EFTUD2: variants seen among roughly 807,000 people sequenced by gnomAD.
EFTUD2 encodes 116 kDa U5 small nuclear ribonucleoprotein component.
Under a neutral mutation model 114.3 loss-of-function variants are expected in EFTUD2, and 9 were observed. The ratio of observed to expected loss-of-function variants is 0.08; its 90% CI spans 0.05 to 0.14. The LOEUF (loss-of-function observed/expected upper bound fraction) is 0.14. EFTUD2 is among the 10% of genes least tolerant of loss of function. The pLI is 1.00. For synonymous variants in EFTUD2, 449 were observed against 462.3 expected (o/e 0.97, Z 0.37); for missense variants, 765 against 1,241.2 (o/e 0.62, Z 5.76).
At chr17:44,886,840 T>C in intron 2 of EFTUD2, 90 bp from the exon 3 acceptor site, 1 of 1,513,670 alleles carries the variant, frequency 6.6e-7, no homozygotes, top group Non-Finnish European at 8.8e-7. Context: ...GCACTGACTG[T>C]ACATGCTGGC....
chr17:44,866,036 C>T (rs1597800811), intron 13 of EFTUD2, among the ~76,000 whole-genome samples: 1 of 152,176 alleles, frequency 6.6e-6, no homozygotes, highest in Non-Finnish European at 1.5e-5. Context: ...TCTTGAACTC[C>T]TGATCTCAAG....
chr17:44,850,904 C>G lies in EFTUD2; in HGVS notation c.*370G>C, dbSNP rs2050436325. The G allele has an allele frequency of 3.6e-6, 1 of 279,638 alleles. No individual in the cohort carries two copies. The highest frequency in any genetic ancestry group is 6.9e-6 in the Non-Finnish European group (1 of 144,730). The allele number at this position is 279,638 out of a possible 1,614,324, so 17.3% of individuals were successfully genotyped here. A position where few individuals can be genotyped will look rare whatever the true frequency, so the allele number is the denominator to read the frequency against. ...GGAGACGAGGATGAAAGGAGCAGAGCAAGACAGAGGTCAGAATGTTCTGTT... is the reference window on the plus strand; with the variant it reads ...GGAGACGAGGATGAAAGGAGCAGAGGAAGACAGAGGTCAGAATGTTCTGTT... On this transcript the variant is annotated 3_prime_UTR_variant, in exon 28 of 28. Transcript: ENST00000426333.
chr17:44,898,651 T>C (rs1446107054), intron 1 of EFTUD2, among the ~76,000 whole-genome samples: 1 of 152,238 alleles, frequency 6.6e-6, no homozygotes, highest in Non-Finnish European at 1.5e-5. Context: ...TGTTCCTTTA[T>C]TTCAATCAAG....
intron 3 of EFTUD2, 71 bp downstream of exon 3, chr17:44,886,514 A>C (rs2051175703): frequency 1.9e-6 from 3 of 1,566,338 alleles, no homozygotes; most frequent in Middle Eastern, 1.7e-4. Flanking sequence ...TGAACTTTTA[A>C]GGTTTGCTGA....
At position 44,862,940 on chromosome 17, in the gene EFTUD2, A is replaced by T. The variant is rs755281138; in HGVS notation, c.1414-34T>A. The stretch of plus-strand genomic sequence containing the variant: ...GGGGACAGGGTGCAGCTTCAACCAC[A>T]TCTATGCTCCGGGGAAGTACTACTC... On this transcript the variant is annotated intron_variant, in intron 15 of 27. Coordinates refer to ENST00000426333, the MANE Select transcript of EFTUD2 (RefSeq NM_004247.4). 18 of 1,570,238 alleles carry T rather than the reference A, an allele frequency of 1.1e-5. No homozygotes were observed. In the East Asian group the frequency reaches 3.8e-4, roughly 34 times the overall value.
In EFTUD2 at chr17:44,850,792, A is replaced by G. The variant is rs777876008; in HGVS notation, c.*482T>C. On this transcript the variant is annotated 3_prime_UTR_variant, in exon 28 of 28. Coordinates refer to ENST00000426333, the MANE Select transcript of EFTUD2 (RefSeq NM_004247.4). Reference sequence around the variant, plus strand: ...AGGCGGCTTCCCTGGGGACCCAGGCAGGAAGGAGGCTGCAGCTGGAAGCAG... The same window carrying G: ...AGGCGGCTTCCCTGGGGACCCAGGCGGGAAGGAGGCTGCAGCTGGAAGCAG... The G allele has an allele frequency of 8.6e-6, 2 of 232,364 alleles. No homozygotes were observed. Among genetic ancestry groups the G allele is most frequent in the Non-Finnish European group, 1.7e-5 (2 of 116,274 alleles). 14.4% of individuals were successfully genotyped at this position (232,364 alleles called of 1,614,324 possible). A position where few individuals can be genotyped will look rare whatever the true frequency, so the allele number is the denominator to read the frequency against.
intron 9 of EFTUD2, among the ~76,000 whole-genome samples, chr17:44,876,600 T>C (rs570979654): frequency 5.6e-4 from 85 of 151,980 alleles, no homozygotes; most frequent in African/African-American, 1.8e-3. Context: ...TGCCTGTAAT[T>C]CCAGCACTTT....
Position 44,853,775 on chromosome 17 carries a change from C to T in EFTUD2, c.2348-140G>A, listed in dbSNP as rs142666106. ...GTACAGAAATCAAATGGGAGGTGGG[C>T]GTTCTAACTGAATAAGCAAGGCCCA... On this transcript the variant is annotated intron_variant, in intron 23 of 27. Transcript: ENST00000426333. 38 of 1,481,562 alleles carry T rather than the reference C, an allele frequency of 2.6e-5. No homozygotes were observed. The East Asian group carries it at 2.7e-4, about 11-fold the overall frequency. The allele number at this position is 1,481,562 out of a possible 1,614,324, so 91.8% of individuals were successfully genotyped here. A position where few individuals can be genotyped will look rare whatever the true frequency, so the allele number is the denominator to read the frequency against.
In EFTUD2 at chr17:44,885,306, C is replaced by A. The variant is rs1396743107; in HGVS notation, c.300G>T (p.Lys100Asn). The change falls in exon 4 of 28, where the codon AAG becomes AAT. Residue 100 changes from lysine (K) to asparagine (N), a missense_variant. Around this residue, in one of 6 missense-constraint regions of EFTUD2, gnomAD observed 121 missense variants for 133.7 expected, o/e 0.90. Transcript: ENST00000426333. ...TEPIIKPVKT[K>N]KFTLMEQTLP... is the part of the protein sequence containing the mutation. ...ATGTCTGCTCCATCAGAGTGAATTT[C>A]TTGGTTTTCACTGGCTTAATAATGG... 1.2e-6 allele frequency: 2 copies of A among 1,613,564 alleles called. No homozygotes were observed. Among genetic ancestry groups the A allele is most frequent in the Non-Finnish European group, 1.7e-6 (2 of 1,179,858 alleles).
chr17:44,852,010 C>T (rs1379876948), intron 26 of EFTUD2, among the ~76,000 whole-genome samples, 193 bp from the exon 27 acceptor site: 2 of 152,002 alleles, frequency 1.3e-5, no homozygotes, highest in African/African-American at 2.4e-5. Context: ...CTCCGCCTCC[C>T]GGGTTCAAGC....
At chr17:44,857,285 C>T (rs1368828044) in intron 19 of EFTUD2, 128 bp from the exon 20 acceptor site, 1 of 729,644 alleles carries the variant, frequency 1.4e-6, no homozygotes, top group Non-Finnish European at 2.4e-6. Context: ...TTAATCAGCA[C>T]AAGTGATAAG....
In EFTUD2 at chr17:44,852,559, C is replaced by T; in HGVS notation, c.2565G>A (p.Gly855=). 1.9e-6 allele frequency: 3 copies of T among 1,613,562 alleles called. No individual in the cohort carries two copies. The highest frequency in any genetic ancestry group is 2.5e-6 in the Non-Finnish European group (3 of 1,179,778). The change falls in exon 26 of 28, where the codon GGG becomes GGA. Residue 855 remains glycine (G), a synonymous_variant. Transcript: ENST00000426333. ...AVYTVLARRR[G]HVTQDAPIPG... ...GGATGGGTGCATCCTGAGTCACGTG[C>T]CCCCTGAGACAGAAAAACAAAGGCT...
chr17:44,893,296 T>C (rs980365590), intron 2 of EFTUD2, among the ~76,000 whole-genome samples: 2 of 152,082 alleles, frequency 1.3e-5, no homozygotes, highest in African/African-American at 4.8e-5. Context: ...CTAATATTTG[T>C]ATTTTTAGTA....
In EFTUD2 at chr17:44,860,503, C is replaced by T. The variant is rs1131691840; in HGVS notation, c.1648G>A (p.Val550Ile). ...EVNRVPAGNW[V>I]LIEGVDQPIV... ...GGTTGATCAACACCTTCAATCAGAA[C>T]CCAGTTGCCAGCAGGAACACGGTTC... Residue 550 changes from valine (V) to isoleucine (I), a missense_variant, in exon 17 of 28, where the codon GTT (valine) becomes ATT (isoleucine). Coordinates refer to ENST00000426333, the MANE Select transcript of EFTUD2 (RefSeq NM_004247.4). The T allele has an allele frequency of 6.2e-7, 1 of 1,614,058 alleles. No individual in the cohort carries two copies. Among genetic ancestry groups the T allele is most frequent in the African/African-American group, 1.3e-5 (1 of 74,998 alleles).
intron 2 of EFTUD2, among the ~76,000 whole-genome samples, chr17:44,893,248 A>G (rs539093966): frequency 3.3e-5 from 5 of 151,714 alleles, no homozygotes; most frequent in African/African-American, 1.2e-4. Flanking sequence ...TCGGCCTTCC[A>G]AGCAGCTGGG....
chr17:44,886,620 G>A lies in EFTUD2; in HGVS notation c.236C>T (p.Thr79Ile). ...AEEVYGPEVE[T>I]IVQEEDTQPL... ...CTGAGTGTCTTCCTCTTGAACTATG[G>A]TCTCCACCTCAGGACCATACACCTC... The change falls in exon 3 of 28, where the codon ACC becomes ATC. Residue 79 changes from threonine (T) to isoleucine (I), a missense_variant. By Grantham distance (89) the Thr-to-Ile change is moderately conservative. Coordinates refer to ENST00000426333, the MANE Select transcript of EFTUD2 (RefSeq NM_004247.4). 6.2e-7 allele frequency: 1 copy of A among 1,614,040 alleles called. No homozygotes were observed. The highest frequency in any genetic ancestry group is 1.1e-5 in the South Asian group (1 of 91,070).
At chr17:44,884,824 C>A (rs995142255) in intron 4 of EFTUD2, among the ~76,000 whole-genome samples, 1 of 151,622 alleles carries the variant, frequency 6.6e-6, no homozygotes, top group Admixed American at 6.6e-5. Flanking sequence ...GAGGTCAAGG[C>A]TGCAATGAGC....
At chr17:44,885,440 C>A in intron 3 of EFTUD2, 106 bp from the exon 4 acceptor site, 1 of 792,184 alleles carries the variant, frequency 1.3e-6, no homozygotes, top group Non-Finnish European at 2.2e-6. Flanking sequence ...TGTATGACAT[C>A]AATTTATTTT....
At position 44,850,495 on chromosome 17, in the gene EFTUD2, C is replaced by G; in HGVS notation, c.*779G>C. Reference sequence around the variant, plus strand: ...AGGAAAATCAACAGACTCTTTTTCACTGGGGGAGAACAGAGTAAGGGACTG... The same window carrying G: ...AGGAAAATCAACAGACTCTTTTTCAGTGGGGGAGAACAGAGTAAGGGACTG... On this transcript the variant is annotated 3_prime_UTR_variant, in exon 28 of 28. Coordinates refer to ENST00000426333, the MANE Select transcript of EFTUD2 (RefSeq NM_004247.4). The G allele has an allele frequency of 1.2e-6, 1 of 861,972 alleles. No individual in the cohort carries two copies. Among genetic ancestry groups the G allele is most frequent in the Non-Finnish European group, 1.9e-6 (1 of 525,774 alleles). The allele number at this position is 861,972 out of a possible 1,614,324, so 53.4% of individuals were successfully genotyped here.
Sources: gnomAD v4.1 joint callset for allele counts (sites outside exome capture counted in the v4.1 genomes callset) on GRCh38, gnomAD v4.1.1 for gene constraint, gnomAD v4.1.1 regional missense constraint, MANE v1.5 for transcripts, NCBI Gene and HGNC (gene_info 2026-07-23, HGNC 2026-07-21) for gene names.